Variants in NEGR1 observed in about 807,000 individuals in gnomAD.
NEGR1 encodes neuronal growth regulator 1.
In NEGR1, 10 loss-of-function variants were observed where a neutral mutation model predicts 40.9. The observed-to-expected ratio is 0.24, with a 90% CI of 0.15 to 0.42. The LOEUF is 0.42. Ranked by LOEUF, NEGR1 falls within the 10% of genes least tolerant of loss-of-function variation. The pLI is 1.00. For missense variants in NEGR1, 352 were observed against 438.9 expected, an observed-to-expected ratio of 0.80 and a Z score of 1.77; for synonymous variants, 185 against 166.8, an observed-to-expected ratio of 1.11 and a Z score of -0.84.
rs1445237256 is a variant in NEGR1 at position 71,397,992 on chromosome 1, T to G, written c.*9454A>C. The G allele has an allele frequency of 6.6e-6, 1 of 152,220 alleles. No homozygotes were observed. The highest frequency in any genetic ancestry group is 1.5e-5 in the Non-Finnish European group (1 of 68,068). The allele number at this position is 152,220 out of a possible 1,614,324, so 9.4% of individuals were successfully genotyped here. On this transcript the variant is annotated 3_prime_UTR_variant, in exon 7 of 7. Transcript: ENST00000357731. Reference sequence around the variant, plus strand: ...CAGCTTGGGCTGTTGCTTCAGACAGTGGAAGCCCCAAGCCTTGGCAGCTTC... The same window carrying G: ...CAGCTTGGGCTGTTGCTTCAGACAGGGGAAGCCCCAAGCCTTGGCAGCTTC...
chr1:71,746,844 A>G (rs1655403287), intron 3 of NEGR1, among the ~76,000 whole-genome samples: 1 of 152,146 alleles, frequency 6.6e-6, no homozygotes, highest in Non-Finnish European at 1.5e-5. Flanking sequence ...CTACAGTTCC[A>G]GTTCCCTTTT....
intron 6 of NEGR1, among the ~76,000 whole-genome samples, chr1:71,582,767 G>A (rs566091663): frequency 3.3e-4 from 51 of 152,304 alleles, no homozygotes; most frequent in African/African-American, 1.1e-3. Context: ...GCACAAGCAA[G>A]TTGCCTCCCA....
chr1:71,993,461 TTAGTTGAC>T (rs1286185226), intron 1 of NEGR1, among the ~76,000 whole-genome samples: 1 of 152,162 alleles, frequency 6.6e-6, no homozygotes, highest in Non-Finnish European at 1.5e-5. Flanking sequence ...CCTCATCTAT[TTAGTTGAC>T]AAAATTTACT....
chr1:71,453,447 C>T (rs941452289), intron 6 of NEGR1, among the ~76,000 whole-genome samples: 3 of 152,158 alleles, frequency 2.0e-5, no homozygotes, highest in African/African-American at 7.2e-5. Flanking sequence ...TAATACTCAA[C>T]ATAGCATGTT....
chr1:72,046,661 T>C (rs1303428712), intron 1 of NEGR1, among the ~76,000 whole-genome samples: 1 of 151,622 alleles, frequency 6.6e-6, no homozygotes, highest in African/African-American at 2.4e-5. Flanking sequence ...CACTAAAAAG[T>C]AAACCTATTT....
intron 1 of NEGR1, among the ~76,000 whole-genome samples, chr1:72,111,717 G>A (rs1215947989): frequency 6.6e-6 from 1 of 151,670 alleles, no homozygotes; most frequent in Admixed American, 6.6e-5. Flanking sequence ...TTGCAGTCAT[G>A]GAAACGTTTT....
intron 1 of NEGR1, among the ~76,000 whole-genome samples, chr1:71,982,043 A>G (rs1190421723): frequency 6.6e-6 from 1 of 152,160 alleles, no homozygotes; most frequent in African/African-American, 2.4e-5. Flanking sequence ...AATGTCCTAT[A>G]AACAAGTAAT....
intron 1 of NEGR1, among the ~76,000 whole-genome samples, chr1:72,038,584 T>A (rs1646925371): frequency 6.6e-6 from 1 of 151,986 alleles, no homozygotes; most frequent in Non-Finnish European, 1.5e-5. Flanking sequence ...TCTAAAAACA[T>A]CAGCGTACAA....
intron 6 of NEGR1, among the ~76,000 whole-genome samples, chr1:71,467,353 C>T (rs1002030944): frequency 6.6e-6 from 1 of 151,880 alleles, no homozygotes; most frequent in Non-Finnish European, 1.5e-5. Context: ...AAAATGAATC[C>T]CCAGAAATTA....
At chr1:71,888,811 G>T (rs1660816781) in intron 2 of NEGR1, among the ~76,000 whole-genome samples, 1 of 20,092 alleles carries the variant, frequency 5.0e-5, no homozygotes, top group African/African-American at 2.3e-4. Flanking sequence ...AGACTTAAGT[G>T]TCCCTGTCTG....
At chr1:71,994,996 G>A (rs1288875662) in intron 1 of NEGR1, among the ~76,000 whole-genome samples, 144 of 111,508 alleles carry the variant, frequency 1.3e-3, no homozygotes, top group South Asian at 1.4e-3. Context: ...AAATTTACAG[G>A]AAAAAAAAAA....
intron 1 of NEGR1, among the ~76,000 whole-genome samples, chr1:72,014,640 A>G (rs1646693014): frequency 1.3e-5 from 2 of 152,010 alleles, no homozygotes; most frequent in African/African-American, 4.8e-5. Context: ...TAAAATAACA[A>G]TATTATATTC....
intron 1 of NEGR1, among the ~76,000 whole-genome samples, chr1:72,169,765 C>T (rs1651894204): frequency 6.6e-6 from 1 of 152,168 alleles, no homozygotes; most frequent in Non-Finnish European, 1.5e-5. Flanking sequence ...TTATGTCTGA[C>T]ACTTCCTAAT....
At chr1:71,579,603 ATTT>A (rs36097070) in intron 6 of NEGR1, among the ~76,000 whole-genome samples, 4 of 138,876 alleles carry the variant, frequency 2.9e-5, no homozygotes, top group Admixed American at 7.3e-5. Context: ...ACTACTTAAG[ATTT>A]TTTTTTTTTT....
chr1:71,901,224 A>G (rs1198255855), intron 2 of NEGR1, among the ~76,000 whole-genome samples: 1 of 152,182 alleles, frequency 6.6e-6, no homozygotes, highest in Non-Finnish European at 1.5e-5. Flanking sequence ...AAACGATCCA[A>G]AAATAAGGAC....
intron 4 of NEGR1, among the ~76,000 whole-genome samples, chr1:71,636,308 A>G (rs535121500): frequency 6.6e-6 from 1 of 152,212 alleles, no homozygotes; most frequent in South Asian, 2.1e-4. Context: ...AATAATCTGG[A>G]GGTTCTTTAA....
intron 1 of NEGR1, among the ~76,000 whole-genome samples, chr1:72,219,643 C>T (rs988940895): frequency 6.6e-6 from 1 of 151,930 alleles, no homozygotes; most frequent in Non-Finnish European, 1.5e-5. Context: ...ACTATTACCT[C>T]CAAACACCAT....
intron 1 of NEGR1, among the ~76,000 whole-genome samples, chr1:72,169,600 G>A (rs568995032): frequency 6.6e-6 from 1 of 152,232 alleles, no homozygotes; most frequent in South Asian, 2.1e-4. Context: ...GATTCAACAG[G>A]TTAATGAAGT....
At chr1:71,849,231 T>A (rs1225378091) in intron 2 of NEGR1, among the ~76,000 whole-genome samples, 2 of 152,194 alleles carry the variant, frequency 1.3e-5, no homozygotes, top group Non-Finnish European at 2.9e-5. Context: ...GCATTCATGA[T>A]TCATGAAAGA....
Sources: gnomAD v4.1 joint callset for allele counts (sites outside exome capture counted in the v4.1 genomes callset) on GRCh38, gnomAD v4.1.1 for gene constraint, MANE v1.5 for transcripts, NCBI Gene and HGNC (gene_info 2026-07-23, HGNC 2026-07-21) for gene names.